Variants in FAM135B observed in about 807,000 individuals in gnomAD.
The protein encoded by FAM135B is protein FAM135B.
A neutral mutation model predicts 127.7 loss-of-function variants in FAM135B; 43 were observed. The observed-to-expected ratio is 0.34, with a 90% CI of 0.26 to 0.43. The LOEUF is 0.43. Ranked by LOEUF, FAM135B falls within the 20% of genes least tolerant of loss-of-function variation. The pLI is 1.00. For synonymous variants in FAM135B, 670 were observed against 665.1 expected, an observed-to-expected ratio of 1.01 and a Z score of -0.11; for missense variants, 1,558 against 1,725.6, an observed-to-expected ratio of 0.90 and a Z score of 1.72.
intron 1 of FAM135B, among the ~76,000 whole-genome samples, chr8:138,415,096 T>A (rs1834065038): frequency 6.6e-6 from 1 of 152,108 alleles, no homozygotes; most frequent in South Asian, 2.1e-4. Context: ...AAATACTCAA[T>A]CCCCATGCTC....
At chr8:138,362,344 T>G (rs974822594) in intron 2 of FAM135B, among the ~76,000 whole-genome samples, 1 of 143,506 alleles carries the variant, frequency 7.0e-6, no homozygotes, top group Admixed American at 7.3e-5. Flanking sequence ...GTAGGGACCA[T>G]TCATCTGATC....
intron 3 of FAM135B, among the ~76,000 whole-genome samples, chr8:138,308,374 C>T (rs1053323702): frequency 6.6e-6 from 1 of 152,148 alleles, no homozygotes; most frequent in Admixed American, 6.5e-5. Flanking sequence ...AAAGAATAAG[C>T]CATTGTTAAA....
At chr8:138,307,752 A>G (rs1261194694) in intron 3 of FAM135B, among the ~76,000 whole-genome samples, 2 of 134,896 alleles carry the variant, frequency 1.5e-5, no homozygotes, top group African/African-American at 5.5e-5. Flanking sequence ...AAAAAAAAAA[A>G]GAGAGATACA....
At position 138,265,774 on chromosome 8, in the gene FAM135B, A is replaced by T. The variant is rs1215184354; in HGVS notation, c.226T>A (p.Tyr76Asn). 1 of 1,614,126 alleles carries T rather than the reference A, an allele frequency of 6.2e-7. No homozygotes were observed. Among genetic ancestry groups the T allele is most frequent in the Non-Finnish European group, 8.5e-7 (1 of 1,179,998 alleles). The change falls in exon 4 of 20, where the codon TAC becomes AAC. Residue 76 changes from tyrosine (Y) to asparagine (N), a missense_variant. Tyr to Asn is a moderately radical substitution (Grantham distance 143). Around this residue, in one of 5 missense-constraint regions of FAM135B, gnomAD observed 199 missense variants for 245.7 expected, o/e 0.81. Coordinates refer to ENST00000395297, the MANE Select transcript of FAM135B (RefSeq NM_015912.4). Reference sequence around the variant, plus strand: ...TTTATGGGTACCTCTTCATTCCGGTATAAGATCTGAAAGACCCGGCTGTGC... The same window carrying T: ...TTTATGGGTACCTCTTCATTCCGGTTTAAGATCTGAAAGACCCGGCTGTGC... ...TVHSRVFQIL[Y>N]RNEEVPINDA...
chr8:138,406,042 C>T (rs1343470955), intron 1 of FAM135B, among the ~76,000 whole-genome samples: 3 of 20,082 alleles, frequency 1.5e-4, no homozygotes, highest in South Asian at 2.9e-3. Context: ...ATATCCTTTG[C>T]CTACTTTTTG....
At chr8:138,270,305 C>T in intron 3 of FAM135B, among the ~76,000 whole-genome samples, 1 of 152,148 alleles carries the variant, frequency 6.6e-6, no homozygotes. Flanking sequence ...CCTTCCCAAC[C>T]AAGGTGATAC....
At chr8:138,212,299 A>G in intron 7 of FAM135B, among the ~76,000 whole-genome samples, 1 of 152,148 alleles carries the variant, frequency 6.6e-6, no homozygotes, top group Non-Finnish European at 1.5e-5. Flanking sequence ...TAAAGTAGAA[A>G]GAGGGATGCT....
At chr8:138,399,251 T>C (rs1045982889) in intron 1 of FAM135B, among the ~76,000 whole-genome samples, 2 of 152,172 alleles carry the variant, frequency 1.3e-5, no homozygotes, top group Admixed American at 6.5e-5. Context: ...ATATATTATA[T>C]GATTATCCAA....
At chr8:138,157,437 T>C (rs904998789) in intron 12 of FAM135B, among the ~76,000 whole-genome samples, 1 of 152,294 alleles carries the variant, frequency 6.6e-6, no homozygotes, top group African/African-American at 2.4e-5. Flanking sequence ...GTGTTGGAAG[T>C]TCTGGCCAAG....
At chr8:138,300,954 G>T (rs1825844248) in intron 3 of FAM135B, among the ~76,000 whole-genome samples, 1 of 151,954 alleles carries the variant, frequency 6.6e-6, no homozygotes, top group Admixed American at 6.6e-5. Flanking sequence ...GTTTCACCAT[G>T]TTGTCCAGGA....
chr8:138,267,100 T>A (rs1822998690), intron 3 of FAM135B, among the ~76,000 whole-genome samples: 1 of 152,272 alleles, frequency 6.6e-6, no homozygotes, highest in South Asian at 2.1e-4. Flanking sequence ...TTCACCAATG[T>A]GATTATATTT....
intron 1 of FAM135B, among the ~76,000 whole-genome samples, chr8:138,383,733 C>T (rs1832012037): frequency 6.6e-6 from 1 of 152,196 alleles, no homozygotes; most frequent in Non-Finnish European, 1.5e-5. Flanking sequence ...CTTCTTGACA[C>T]TCTGATTTTT....
chr8:138,212,238 T>C (rs1028950944), intron 7 of FAM135B, among the ~76,000 whole-genome samples: 5 of 152,096 alleles, frequency 3.3e-5, no homozygotes, highest in African/African-American at 9.7e-5. Flanking sequence ...AAGACAGGTA[T>C]GCAGCCCTCA....
chr8:138,405,891 T>C (rs923435108), intron 1 of FAM135B, among the ~76,000 whole-genome samples: 3 of 152,026 alleles, frequency 2.0e-5, no homozygotes, highest in African/African-American at 7.3e-5. Flanking sequence ...TCCTGACTTT[T>C]TAATGTTTGC....
intron 3 of FAM135B, among the ~76,000 whole-genome samples, chr8:138,270,491 T>C (rs1417466070): frequency 6.6e-6 from 1 of 152,196 alleles, no homozygotes; most frequent in East Asian, 1.9e-4. Context: ...GAAACAAAGA[T>C]TGTGCTGTCA....
chr8:138,193,348 T>C (rs567835953), intron 9 of FAM135B, among the ~76,000 whole-genome samples: 1 of 152,292 alleles, frequency 6.6e-6, no homozygotes, highest in African/African-American at 2.4e-5. Context: ...GCTGGTGCTA[T>C]GGTGATCCCG....
chr8:138,215,705 T>C (rs990208436), intron 7 of FAM135B, among the ~76,000 whole-genome samples: 3 of 152,206 alleles, frequency 2.0e-5, no homozygotes, highest in African/African-American at 7.2e-5. Flanking sequence ...CATTAATTGA[T>C]ACATCAATAA....
At chr8:138,405,403 C>T (rs961887828) in intron 1 of FAM135B, among the ~76,000 whole-genome samples, 4 of 142,136 alleles carry the variant, frequency 2.8e-5, no homozygotes, top group African/African-American at 1.0e-4. Flanking sequence ...GTGATGTTCC[C>T]CTTCCTGTGT....
chr8:138,316,730 C>T (rs1489824011), intron 2 of FAM135B, among the ~76,000 whole-genome samples: 1 of 152,068 alleles, frequency 6.6e-6, no homozygotes, highest in African/African-American at 2.4e-5. Context: ...CCTGTAATCC[C>T]ACCACTTTGG....
Sources: gnomAD v4.1 joint callset for allele counts (sites outside exome capture counted in the v4.1 genomes callset) on GRCh38, gnomAD v4.1.1 for gene constraint, gnomAD v4.1.1 regional missense constraint, MANE v1.5 for transcripts, NCBI Gene and HGNC (gene_info 2026-07-23, HGNC 2026-07-21) for gene names.